AVEN: variants seen among roughly 807,000 people sequenced by gnomAD.
AVEN encodes cell death regulator Aven.
Under a neutral mutation model 38.1 loss-of-function variants are expected in AVEN, and 41 were observed. The observed-to-expected ratio is 1.08, with a 90% CI of 0.84 to 1.40. AVEN has a LOEUF of 1.40. Among genes scored for constraint, AVEN ranks in the 40% most tolerant of loss-of-function variants. The pLI, the probability that AVEN is intolerant of heterozygous loss-of-function variation, is 0.00. For synonymous variants in AVEN, 206 were observed against 171.8 expected (o/e 1.20, Z -1.56); for missense variants, 605 against 438.8 (o/e 1.38, Z -3.38).
intron 2 of AVEN, among the ~76,000 whole-genome samples, chr15:33,889,413 G>C (rs978383629): frequency 6.6e-6 from 1 of 152,062 alleles, no homozygotes; most frequent in African/African-American, 2.4e-5. Context: ...AGTCTGTTCT[G>C]TTTGTTTTTG....
At chr15:33,937,932 C>CAAAAAA (rs55887919) in intron 2 of AVEN, among the ~76,000 whole-genome samples, 28 of 100,844 alleles carry the variant, frequency 2.8e-4, no homozygotes, top group African/African-American at 6.4e-4. Context: ...CCTACTTGAC[C>CAAAAAA]AAAAAAAAAA....
chr15:34,046,273 TC>T (rs1442904600), intron 5 of AVEN, among the ~76,000 whole-genome samples: 1 of 151,422 alleles, frequency 6.6e-6, no homozygotes, highest in Non-Finnish European at 1.5e-5. Context: ...ATGTTCCAAA[TC>T]TTTTTGTGGA....
At position 33,976,914 on chromosome 15, in the gene AVEN, T is replaced by C. The variant is rs146475052; in HGVS notation, c.445+26118A>G. Among the ~76,000 whole-genome samples the C allele has an allele frequency of 3.0e-4, 45 of 152,290 alleles. No homozygotes were observed. In the East Asian group the frequency reaches 8.5e-3, roughly 29 times the overall value. ...AGTCAGCCAGCCTCCTGTGGTATAG[T>C]GACATCCTGGATGGAAGTAAAATAA... On this transcript the variant is annotated intron_variant, in intron 2 of 5. Coordinates refer to ENST00000306730, the MANE Select transcript of AVEN (RefSeq NM_020371.3).
At chr15:33,962,707 T>C (rs1026612208) in intron 2 of AVEN, among the ~76,000 whole-genome samples, 3 of 152,078 alleles carry the variant, frequency 2.0e-5, no homozygotes, top group Non-Finnish European at 4.4e-5. Flanking sequence ...CCTTATCTTC[T>C]GCATAGCATA....
chr15:34,000,155 GACCCCT>G (rs1897083371), intron 2 of AVEN, among the ~76,000 whole-genome samples: 1 of 152,076 alleles, frequency 6.6e-6, no homozygotes, highest in South Asian at 2.1e-4. Context: ...TTCTCAGTAA[GACCCCT>G]GGCTACTTCT....
At chr15:34,017,484 G>GTTTTT (rs60119659) in intron 1 of AVEN, among the ~76,000 whole-genome samples, 1,222 of 107,304 alleles carry the variant, frequency 0.011, 55 homozygotes, top group South Asian at 0.036. Context: ...TTTTTTTTTT[G>GTTTTT]TTTTTTTTTT....
chr15:33,981,439 A>AACT (rs397798325), intron 2 of AVEN, among the ~76,000 whole-genome samples: 1 of 151,698 alleles, frequency 6.6e-6, no homozygotes, highest in Non-Finnish European at 1.5e-5. Flanking sequence ...CAAACTAAAC[A>AACT]TAACCAAGTT....
intron 2 of AVEN, among the ~76,000 whole-genome samples, chr15:33,946,735 C>T (rs143441498): frequency 2.2e-4 from 33 of 152,274 alleles, no homozygotes; most frequent in African/African-American, 7.5e-4. Context: ...GCAGCAGGTG[C>T]ACATACCTCA....
At position 33,866,747 on chromosome 15, in the gene AVEN, T is replaced by C; in HGVS notation, c.974-19A>G. ...GCACAAACTGGGGGAAAAAAAACAA[T>C]GTTAACACCCTCAGATGAGTCCTAA... is the stretch of plus-strand genomic sequence containing the variant. On this transcript the variant is annotated intron_variant, in intron 5 of 5. Coordinates refer to ENST00000306730, the MANE Select transcript of AVEN (RefSeq NM_020371.3). 5.1e-6 allele frequency: 8 copies of C among 1,556,544 alleles called. No homozygotes were observed. The highest frequency in any genetic ancestry group is 1.4e-5 in the African/African-American group (1 of 73,736).
rs2017325 is a variant in AVEN at position 33,884,878 on chromosome 15, T to C, written c.446-8883A>G. Among the ~76,000 whole-genome samples, 728 of 151,556 alleles carry C rather than the reference T, an allele frequency of 4.8e-3. 22 individuals carry two copies. The highest frequency in any genetic ancestry group is 0.039 in the Admixed American group (593 of 15,258). ...AAGCCTACCACCCAATTCTGATCAT[T>C]TGATAGTAGCAATTCCCATAACTCA... is the stretch of plus-strand genomic sequence containing the variant. On this transcript the variant is annotated intron_variant, in intron 2 of 5. Transcript: ENST00000306730.
At chr15:34,070,207 G>A (rs3850094) in intron 2 of AVEN, among the ~76,000 whole-genome samples, 1,800 of 152,138 alleles carry the variant, frequency 0.012, 138 homozygotes, top group Admixed American at 0.11. Flanking sequence ...AACAGCACGG[G>A]GGAAACCGCC....
chr15:33,963,304 C>G (rs1036312263), intron 2 of AVEN, among the ~76,000 whole-genome samples: 2 of 152,110 alleles, frequency 1.3e-5, no homozygotes, highest in Non-Finnish European at 1.5e-5. Context: ...TTTAAACAGC[C>G]CTAACAGACA....
At chr15:33,986,138 G>C (rs186988822) in intron 2 of AVEN, among the ~76,000 whole-genome samples, 35 of 150,600 alleles carry the variant, frequency 2.3e-4, no homozygotes, top group African/African-American at 8.1e-4. Flanking sequence ...ATGGACTCTC[G>C]CTCTGTCGCC....
intron 2 of AVEN, among the ~76,000 whole-genome samples, chr15:33,909,693 T>C (rs891453834): frequency 1.3e-4 from 20 of 152,330 alleles, no homozygotes; most frequent in African/African-American, 4.6e-4. Context: ...CACCTAAGTA[T>C]TTCACTTTTC....
chr15:33,955,127 A>G lies in AVEN; in HGVS notation c.445+47905T>C, dbSNP rs117737929. ...TAATTTTTTTAAAATGTAATCTATA[A>G]CCTTAAGTGTCAGAAAATACTATAC... On this transcript the variant is annotated intron_variant, in intron 2 of 5. Coordinates refer to ENST00000306730, the MANE Select transcript of AVEN (RefSeq NM_020371.3). Among the ~76,000 whole-genome samples the G allele has an allele frequency of 8.1e-3, 1,236 of 152,290 alleles. 10 individuals are homozygous for G. Among genetic ancestry groups the G allele is most frequent in the Non-Finnish European group, 0.014 (949 of 68,016 alleles).
At chr15:34,053,319 A>AATATATATATATATAT (rs71119922) in intron 5 of AVEN, among the ~76,000 whole-genome samples, 44 of 42,050 alleles carry the variant, frequency 1.0e-3, no homozygotes, top group African/African-American at 3.3e-3. Context: ...AAAAAAAAAA[A>AATATATATATATATAT]ATATATATAT....
chr15:34,048,158 A>C (rs1899788481), intron 5 of AVEN, among the ~76,000 whole-genome samples: 1 of 152,166 alleles, frequency 6.6e-6, no homozygotes, highest in Non-Finnish European at 1.5e-5. Context: ...TTACAGGCGT[A>C]AGCCACCACA....
intron 4 of AVEN, chr15:34,064,045 C>T (rs146054258): frequency 2.5e-4 from 404 of 1,614,056 alleles, no homozygotes; most frequent in Middle Eastern, 3.3e-4. Context: ...GCAGCCCAGA[C>T]ACTGAGTGCC....
chr15:33,883,965 A>C (rs1024406027), intron 2 of AVEN, among the ~76,000 whole-genome samples: 2 of 152,208 alleles, frequency 1.3e-5, no homozygotes, highest in Non-Finnish European at 2.9e-5. Context: ...CCAAGACCAC[A>C]CAGCCATTTA....
Sources: allele counts gnomAD v4.1 joint callset (sites outside exome capture counted in the v4.1 genomes callset), GRCh38; gene constraint gnomAD v4.1.1; transcripts MANE v1.5; gene names NCBI Gene and HGNC (gene_info 2026-07-23, HGNC 2026-07-21).